Variants in WWOX observed in about 807,000 individuals in gnomAD.
WWOX encodes WW domain containing oxidoreductase, also known as WW domain-containing oxidoreductase.
WWOX carries 69 observed loss-of-function variants against 46.2 expected under a neutral mutation model. The ratio of observed to expected loss-of-function variants is 1.49; its 90% CI spans 1.23 to 1.82. The LOEUF is 1.82. WWOX is among the 40% of genes most tolerant of loss of function. The pLI is 0.00. For synonymous variants in WWOX, 359 were observed against 202.6 expected (o/e 1.77, Z -6.56); for missense variants, 919 against 542.6 (o/e 1.69, Z -6.89).
rs567894220 is a variant in WWOX at position 78,510,116 on chromosome 16, C to T, written c.1056+77364C>T. 4.6e-5 allele frequency among the ~76,000 whole-genome samples: 7 copies of T among 152,120 alleles called. No individual in the cohort carries two copies. In the South Asian group the frequency reaches 1.2e-3, roughly 27 times the overall value. On this transcript the variant is annotated intron_variant, in intron 8 of 8. Coordinates refer to ENST00000566780, the MANE Select transcript of WWOX (RefSeq NM_016373.4). ...CTGTCTGTCTCTCTCGGAAATATTC[C>T]TTCAGTGTATTAGTAAAGAAGTTAC...
At chr16:78,334,253 T>G (rs2080826593) in intron 5 of WWOX, among the ~76,000 whole-genome samples, 1 of 152,242 alleles carries the variant, frequency 6.6e-6, no homozygotes, top group East Asian at 1.9e-4. Context: ...TTCACTTTAG[T>G]TATTATGCTG....
At chr16:78,251,806 A>G (rs1296354384) in intron 5 of WWOX, among the ~76,000 whole-genome samples, 1 of 152,076 alleles carries the variant, frequency 6.6e-6, no homozygotes, top group Admixed American at 6.5e-5. Context: ...CTCCCCACCC[A>G]CTTATCTCAG....
At chr16:78,637,693 C>CG (rs2046607880) in intron 8 of WWOX, among the ~76,000 whole-genome samples, 1 of 152,154 alleles carries the variant, frequency 6.6e-6, no homozygotes, top group African/African-American at 2.4e-5. Flanking sequence ...CAGAGCTAAG[C>CG]GCGGAGTAGG....
chr16:78,804,977 A>AT (rs1717081030), intron 8 of WWOX, among the ~76,000 whole-genome samples: 1 of 152,208 alleles, frequency 6.6e-6, no homozygotes, highest in Non-Finnish European at 1.5e-5. Context: ...TTCCATTGAT[A>AT]TTTGGGAAGT....
rs2044585683 is a variant in WWOX at position 78,567,016 on chromosome 16, GC to G, written c.1056+134265del. Among the ~76,000 whole-genome samples, 3 of 152,154 alleles carry G rather than the reference GC, an allele frequency of 2.0e-5. No individual in the cohort carries two copies. In the South Asian group the frequency reaches 6.2e-4, roughly 32 times the overall value. ...CATGTGTGTGCTTTCTATGTGCCAG[GC>G]ATGAGGCTGAAGTCATACATTCATT... On this transcript the variant is annotated intron_variant, in intron 8 of 8. Coordinates refer to ENST00000566780, the MANE Select transcript of WWOX (RefSeq NM_016373.4).
At chr16:78,770,374 AAAGAATCCAAG>A (rs2050034957) in intron 8 of WWOX, among the ~76,000 whole-genome samples, 1 of 152,068 alleles carries the variant, frequency 6.6e-6, no homozygotes, top group African/African-American at 2.4e-5. Context: ...ATTTAACTCT[AAAGAATCCAAG>A]AATACAGATT....
intron 8 of WWOX, among the ~76,000 whole-genome samples, chr16:78,923,636 A>G (rs1224694494): frequency 1.3e-5 from 2 of 152,082 alleles, no homozygotes; most frequent in Non-Finnish European, 2.9e-5. Flanking sequence ...TCTTCTATGA[A>G]TCAAATAATA....
At chr16:78,755,423 T>C (rs1292113081) in intron 8 of WWOX, among the ~76,000 whole-genome samples, 1 of 151,970 alleles carries the variant, frequency 6.6e-6, no homozygotes, top group Non-Finnish European at 1.5e-5. Flanking sequence ...TGATATTACA[T>C]GTTGGGATGA....
At chr16:78,463,405 A>G (rs894906479) in intron 8 of WWOX, among the ~76,000 whole-genome samples, 17 of 152,194 alleles carry the variant, frequency 1.1e-4, no homozygotes, top group African/African-American at 4.1e-4. Flanking sequence ...ATTTATATAG[A>G]CTGGAGATAT....
intron 5 of WWOX, among the ~76,000 whole-genome samples, chr16:78,327,758 T>C (rs1213953449): frequency 6.6e-6 from 1 of 152,146 alleles, no homozygotes; most frequent in Non-Finnish European, 1.5e-5. Context: ...GGCTATATTA[T>C]TTAGTCTACA....
intron 4 of WWOX, among the ~76,000 whole-genome samples, chr16:78,161,896 T>A (rs1597289102): frequency 6.6e-6 from 1 of 152,352 alleles, no homozygotes; most frequent in African/African-American, 2.4e-5. Flanking sequence ...GATACTTTGC[T>A]TCCATTACTC....
intron 8 of WWOX, among the ~76,000 whole-genome samples, chr16:78,713,672 T>C (rs920460021): frequency 6.6e-6 from 1 of 152,192 alleles, no homozygotes. Context: ...AGGAGGTGGC[T>C]GTCTGCAAGC....
intron 8 of WWOX, among the ~76,000 whole-genome samples, chr16:78,580,325 C>T (rs1000644361): frequency 1.1e-4 from 16 of 152,222 alleles, no homozygotes; most frequent in African/African-American, 2.6e-4. Flanking sequence ...GCACCTTCCT[C>T]GGCCTCCCAA....
At chr16:78,200,776 C>T (rs118059472) in intron 5 of WWOX, among the ~76,000 whole-genome samples, 3,558 of 152,116 alleles carry the variant, frequency 0.023, 57 homozygotes, top group Middle Eastern at 0.065. Context: ...GTTATATGTG[C>T]TGGACCCTGG....
intron 8 of WWOX, among the ~76,000 whole-genome samples, chr16:78,991,014 G>C (rs2046877013): frequency 1.3e-5 from 2 of 152,318 alleles, no homozygotes; most frequent in Admixed American, 1.3e-4. Context: ...TGGTCATTTT[G>C]TTAGATTTAT....
intron 8 of WWOX, among the ~76,000 whole-genome samples, chr16:79,071,593 C>G (rs1383386993): frequency 6.6e-6 from 1 of 152,260 alleles, no homozygotes; most frequent in African/African-American, 2.4e-5. Context: ...CTCTGCCAGC[C>G]TCCTGTCCCA....
intron 8 of WWOX, among the ~76,000 whole-genome samples, chr16:78,523,327 C>T (rs9928787): frequency 1.3e-5 from 2 of 152,038 alleles, no homozygotes; most frequent in East Asian, 1.9e-4. Context: ...TAAACTGGAT[C>T]CCCTGCTGTA....
chr16:79,140,443 C>T (rs947900745), intron 8 of WWOX, among the ~76,000 whole-genome samples: 1 of 152,202 alleles, frequency 6.6e-6, no homozygotes, highest in Non-Finnish European at 1.5e-5. Flanking sequence ...TGCTTTCTCT[C>T]CTACCATACA....
At chr16:78,775,908 C>T (rs1316756240) in intron 8 of WWOX, among the ~76,000 whole-genome samples, 1 of 152,160 alleles carries the variant, frequency 6.6e-6, no homozygotes, top group South Asian at 2.1e-4. Context: ...GAGCTTGAAT[C>T]CTTCAAAGAC....
Sources: allele counts gnomAD v4.1 joint callset (sites outside exome capture counted in the v4.1 genomes callset), GRCh38; gene constraint gnomAD v4.1.1; transcripts MANE v1.5; gene names NCBI Gene and HGNC (gene_info 2026-07-23, HGNC 2026-07-21).